The following ANKRD29 variants were observed in gnomAD, a reference collection of about 807,000 sequenced individuals.
ANKRD29 encodes ankyrin repeat domain-containing protein 29.
A neutral mutation model predicts 38.0 loss-of-function variants in ANKRD29; 32 were observed. The ratio of observed to expected loss-of-function variants is 0.84; its 90% CI spans 0.64 to 1.13. The LOEUF (loss-of-function observed/expected upper bound fraction) is 1.13. Ranked by LOEUF, ANKRD29 falls within the 50% of genes most tolerant of loss-of-function variation. The pLI, the probability that ANKRD29 is intolerant of heterozygous loss-of-function variation, is 0.00. For synonymous variants in ANKRD29, 135 were observed against 152.4 expected, an observed-to-expected ratio of 0.89 and a Z score of 0.84; for missense variants, 357 against 377.9, an observed-to-expected ratio of 0.94 and a Z score of 0.46.
chr18:23,653,034 A>G (rs913144525), intron 1 of ANKRD29, among the ~76,000 whole-genome samples: 3 of 152,216 alleles, frequency 2.0e-5, no homozygotes, highest in Admixed American at 6.5e-5. Flanking sequence ...CTGTGTAACA[A>G]TTGCCTACAG....
intron 1 of ANKRD29, among the ~76,000 whole-genome samples, chr18:23,660,122 T>A (rs553921150): frequency 6.2e-4 from 94 of 151,996 alleles, no homozygotes; most frequent in Middle Eastern, 3.4e-3. Context: ...AAAAAATAAA[T>A]AAAATAAATA....
chr18:23,639,826 G>A (rs2060050289), intron 3 of ANKRD29, among the ~76,000 whole-genome samples: 1 of 152,182 alleles, frequency 6.6e-6, no homozygotes, highest in Non-Finnish European at 1.5e-5. Flanking sequence ...ATGAGCCACT[G>A]CACCCAGCCT....
intron 4 of ANKRD29, among the ~76,000 whole-genome samples, chr18:23,637,988 T>C (rs2060023494): frequency 7.1e-6 from 1 of 140,200 alleles, no homozygotes; most frequent in Admixed American, 8.4e-5. Context: ...TGAAAATCAA[T>C]TACTTCTTTT....
In ANKRD29 at chr18:23,662,802, C is replaced by G. The variant is rs1312102143; in HGVS notation, c.-72G>C. The G allele has an allele frequency of 3.9e-6, 5 of 1,283,366 alleles. No homozygotes were observed. The highest frequency in any genetic ancestry group is 4.9e-6 in the Non-Finnish European group (5 of 1,011,220). 79.5% of individuals were successfully genotyped at this position (1,283,366 alleles called of 1,614,324 possible). On this transcript the variant is annotated 5_prime_UTR_variant, in exon 1 of 10. Transcript: ENST00000592179. The stretch of plus-strand genomic sequence containing the variant: ...GCCTTGTCCTCCCCGGCCCTTCACT[C>G]TCCCGGGGCTCTCGGCGTTCCGCAG...
At chr18:23,607,301 A>G (rs2059586257) in intron 9 of ANKRD29, among the ~76,000 whole-genome samples, 1 of 152,204 alleles carries the variant, frequency 6.6e-6, no homozygotes, top group Non-Finnish European at 1.5e-5. Context: ...AGGAACAGAT[A>G]TTGTACAGGC....
In ANKRD29 at chr18:23,599,002, C is replaced by T. The variant is rs1567997635; in HGVS notation, c.*2224G>A. 2 of 152,106 alleles carry T rather than the reference C, an allele frequency of 1.3e-5. No individual in the cohort carries two copies. The highest frequency in any genetic ancestry group is 4.8e-5 in the African/African-American group (2 of 41,426). 9.4% of individuals were successfully genotyped at this position (152,106 alleles called of 1,614,324 possible). ...CATCAAAGAATGAATTAATGAAAAA[C>T]GTTTGTAGTTCAGTTAAGCAGATGA... On this transcript the variant is annotated 3_prime_UTR_variant, in exon 10 of 10. Coordinates refer to ENST00000592179, the MANE Select transcript of ANKRD29 (RefSeq NM_173505.4).
intron 3 of ANKRD29, among the ~76,000 whole-genome samples, chr18:23,639,529 ATTTT>A (rs11310206): frequency 4.2e-5 from 5 of 120,336 alleles, no homozygotes; most frequent in African/African-American, 1.2e-4. Context: ...TTTTACTGTG[ATTTT>A]TTTTTTTTTT....
chr18:23,647,320 G>T (rs951332654), intron 2 of ANKRD29: 1 of 152,178 alleles, frequency 6.6e-6, no homozygotes, highest in African/African-American at 2.4e-5. Context: ...GGTTAACATA[G>T]TAATGGTAGA....
At chr18:23,629,443 G>A (rs1373981951) in intron 6 of ANKRD29, among the ~76,000 whole-genome samples, 1 of 152,240 alleles carries the variant, frequency 6.6e-6, no homozygotes, top group East Asian at 1.9e-4. Flanking sequence ...GGTGGAAGAA[G>A]TGGTGGGCAG....
intron 1 of ANKRD29, among the ~76,000 whole-genome samples, chr18:23,660,694 C>T (rs1272283969): frequency 6.6e-6 from 1 of 152,204 alleles, no homozygotes; most frequent in Non-Finnish European, 1.5e-5. Context: ...GTAATCCCAG[C>T]TACTCAGGAG....
chr18:23,662,024 GAAA>G (rs369229716), intron 1 of ANKRD29, among the ~76,000 whole-genome samples: 2 of 99,116 alleles, frequency 2.0e-5, no homozygotes, highest in Non-Finnish European at 2.1e-5. Context: ...TTTCTCATTT[GAAA>G]AAAAAAAAAA....
chr18:23,646,469 G>A (rs964363614), intron 2 of ANKRD29, 182 bp from the exon 3 acceptor site: 7 of 475,230 alleles, frequency 1.5e-5, no homozygotes, highest in African/African-American at 1.4e-4. Flanking sequence ...AAAGCAAAGT[G>A]ACAAATTGCT....
intron 1 of ANKRD29, among the ~76,000 whole-genome samples, chr18:23,659,802 A>AAGC (rs2060333723): frequency 6.6e-6 from 1 of 151,810 alleles, no homozygotes; most frequent in African/African-American, 2.4e-5. Flanking sequence ...GAAGAAAGAC[A>AAGC]AGCATGGTTT....
rs1284857208 is a variant in ANKRD29, at chr18:23,599,360, ATG to A, written c.*1864_*1865del. On this transcript the variant is annotated 3_prime_UTR_variant, in exon 10 of 10. Transcript: ENST00000592179. ...ACTATTGATGTAATAGGCCAATTACATGTTTTAGTGAAAAACAGTAAGTTTGT... is the reference window on the plus strand; with the variant it reads ...ACTATTGATGTAATAGGCCAATTACATTTTAGTGAAAAACAGTAAGTTTGT... 1.3e-5 allele frequency: 2 copies of A among 152,222 alleles called. No homozygotes were observed. The highest frequency in any genetic ancestry group is 4.8e-5 in the African/African-American group (2 of 41,454). The allele number at this position is 152,222 out of a possible 1,614,324, so 9.4% of individuals were successfully genotyped here.
At chr18:23,601,416 A>T (rs776219319) in intron 9 of ANKRD29, 107 bp from the exon 10 acceptor site, 8 of 796,388 alleles carry the variant, frequency 1.0e-5, no homozygotes, top group Non-Finnish European at 1.5e-5. Context: ...TAATGAAAAA[A>T]ATCCACACTG....
At chr18:23,625,190 C>T (rs2059848065) in intron 6 of ANKRD29, among the ~76,000 whole-genome samples, 1 of 152,184 alleles carries the variant, frequency 6.6e-6, no homozygotes, top group Admixed American at 6.5e-5. Flanking sequence ...CCACCCTACC[C>T]TGCCCTGGAG....
At chr18:23,636,770 C>T (rs1167581923) in intron 4 of ANKRD29, among the ~76,000 whole-genome samples, 2 of 141,684 alleles carry the variant, frequency 1.4e-5, no homozygotes, top group Admixed American at 6.9e-5. Context: ...GACGGGGTTT[C>T]GCCATATTGC....
rs571157187 is a variant in ANKRD29 at position 23,629,480 on chromosome 18, G to T, written c.528+373C>A. 2.0e-5 allele frequency among the ~76,000 whole-genome samples: 3 copies of T among 152,318 alleles called. No individual in the cohort carries two copies. In the South Asian group the frequency reaches 6.2e-4, roughly 32 times the overall value. ...TAGTAAGGCAGCATTATCAGCAGGG[G>T]CCAGGCTACTTGGCCCACATCTGTT... On this transcript the variant is annotated intron_variant, in intron 6 of 9. Coordinates refer to ENST00000592179, the MANE Select transcript of ANKRD29 (RefSeq NM_173505.4).
At chr18:23,644,274 G>C (rs2060112153) in intron 3 of ANKRD29, among the ~76,000 whole-genome samples, 1 of 152,172 alleles carries the variant, frequency 6.6e-6, no homozygotes, top group Non-Finnish European at 1.5e-5. Flanking sequence ...AGATTTTTGT[G>C]CATGTGCAAT....
Sources: allele counts gnomAD v4.1 joint callset (sites outside exome capture counted in the v4.1 genomes callset), GRCh38; gene constraint gnomAD v4.1.1; transcripts MANE v1.5; gene names NCBI Gene and HGNC (gene_info 2026-07-23, HGNC 2026-07-21).